Variants in AKR1C8 observed in about 807,000 individuals in gnomAD.
The protein encoded by AKR1C8 is aldo-keto reductase family 1 member C8, also known as aldo-keto reductase family 1 member C-like protein 1.
At chr10:5,176,885 C>T in the AKR1C8 span, among the ~76,000 whole-genome samples, 82,043 of 151,876 alleles carry the variant, frequency 0.54, 23,058 homozygotes, top group Non-Finnish European at 0.6. Flanking sequence ...TGGGCTGAGA[C>T]GATGGGGTTT....
At chr10:5,128,120 C>T in the AKR1C8 span, among the ~76,000 whole-genome samples, 3 of 152,134 alleles carry the variant, frequency 2.0e-5, no homozygotes, top group Non-Finnish European at 4.4e-5. Flanking sequence ...GATTGAGGTC[C>T]TATCTTTAGC....
At chr10:5,175,042 T>G in the AKR1C8 span, among the ~76,000 whole-genome samples, 1 of 152,084 alleles carries the variant, frequency 6.6e-6, no homozygotes, top group African/African-American at 2.4e-5. Flanking sequence ...TATGTATACA[T>G]GTGCCATGCT....
chr10:5,134,843 C>T, the AKR1C8 span, among the ~76,000 whole-genome samples: 3 of 152,118 alleles, frequency 2.0e-5, no homozygotes, highest in Non-Finnish European at 2.9e-5. Context: ...AAGGAAATGC[C>T]AGGCAGCGTT....
the AKR1C8 span, among the ~76,000 whole-genome samples, chr10:5,155,908 G>A: frequency 5.1e-4 from 77 of 152,110 alleles, 1 homozygote; most frequent in East Asian, 0.013. Flanking sequence ...GGCTTGAGAC[G>A]TCTTCCACCT....
At chr10:5,124,662 ATCATTGCTATATACTC>A in the AKR1C8 span, among the ~76,000 whole-genome samples, 1 of 152,296 alleles carries the variant, frequency 6.6e-6, no homozygotes, top group Middle Eastern at 3.4e-3. Flanking sequence ...AAATTAAAAC[ATCATTGCTATATACTC>A]AATCATTATG....
the AKR1C8 span, chr10:5,159,883 C>T: frequency 1.9e-6 from 1 of 516,746 alleles, no homozygotes; most frequent in African/African-American, 1.9e-5. Flanking sequence ...AAGGGCTCAC[C>T]TGGTTGCAGG....
At chr10:5,140,475 G>A in the AKR1C8 span, among the ~76,000 whole-genome samples, 5 of 152,052 alleles carry the variant, frequency 3.3e-5, no homozygotes, top group South Asian at 1.0e-3. Flanking sequence ...CCATAAAAAA[G>A]GATGAGTTCA....
chr10:5,147,945 CCA>C, the AKR1C8 span, among the ~76,000 whole-genome samples: 1 of 152,178 alleles, frequency 6.6e-6, no homozygotes, highest in Admixed American at 6.6e-5. Context: ...GGGCCTCCAC[CCA>C]TGCATTAGGC....
At chr10:5,159,564 G>C in the AKR1C8 span, among the ~76,000 whole-genome samples, 2 of 152,002 alleles carry the variant, frequency 1.3e-5, no homozygotes, top group African/African-American at 2.4e-5. Flanking sequence ...ATCCATGTCT[G>C]TGAGTTTAGT....
the AKR1C8 span, among the ~76,000 whole-genome samples, chr10:5,131,464 G>A: frequency 2.6e-5 from 4 of 151,902 alleles, no homozygotes; most frequent in Non-Finnish European, 4.4e-5. Context: ...AATCTCCAAG[G>A]AACTCAAACA....
chr10:5,155,662 A>C, the AKR1C8 span: 2 of 466,032 alleles, frequency 4.3e-6, no homozygotes, highest in Non-Finnish European at 8.9e-6. Context: ...GAGAATCTAC[A>C]AGCATCACTT....
chr10:5,127,212 A>AATT, the AKR1C8 span, among the ~76,000 whole-genome samples: 3 of 152,080 alleles, frequency 2.0e-5, no homozygotes, highest in African/African-American at 7.2e-5. Flanking sequence ...ACAACCTAAA[A>AATT]TTTTTTTTTA....
At chr10:5,153,108 T>C in the AKR1C8 span, among the ~76,000 whole-genome samples, 2 of 152,206 alleles carry the variant, frequency 1.3e-5, no homozygotes, top group Non-Finnish European at 2.9e-5. Flanking sequence ...CTTGCATTCA[T>C]AGTTGACATT....
the AKR1C8 span, among the ~76,000 whole-genome samples, chr10:5,137,294 C>CA: frequency 8.6e-5 from 13 of 151,860 alleles, no homozygotes; most frequent in African/African-American, 2.7e-4. Flanking sequence ...AGAGACACAA[C>CA]AAAAAAGAGA....
chr10:5,178,918 T>G, the AKR1C8 span, among the ~76,000 whole-genome samples: 1 of 152,226 alleles, frequency 6.6e-6, no homozygotes, highest in East Asian at 1.9e-4. Flanking sequence ...CTGATGGGTC[T>G]TGACTCTTTA....
chr10:5,124,764 A>G, the AKR1C8 span, among the ~76,000 whole-genome samples: 2 of 152,152 alleles, frequency 1.3e-5, no homozygotes. Flanking sequence ...TGCAAAGGGG[A>G]AAACACATCT....
At chr10:5,179,180 A>T in the AKR1C8 span, among the ~76,000 whole-genome samples, 3 of 152,250 alleles carry the variant, frequency 2.0e-5, no homozygotes, top group African/African-American at 7.2e-5. Context: ...CCTGGTGGTG[A>T]CAAAAATCTC....
At chr10:5,137,360 G>A in the AKR1C8 span, among the ~76,000 whole-genome samples, 2 of 151,994 alleles carry the variant, frequency 1.3e-5, no homozygotes, top group Admixed American at 1.3e-4. Context: ...ATAAAATACT[G>A]GCAAACCGAA....
chr10:5,151,557 G>T, the AKR1C8 span, among the ~76,000 whole-genome samples: 3 of 132,650 alleles, frequency 2.3e-5, no homozygotes, highest in East Asian at 2.2e-4. Context: ...TTCCCTTTGG[G>T]TTTTTTTTTT....
Sources: allele counts gnomAD v4.1 joint callset (sites outside exome capture counted in the v4.1 genomes callset), GRCh38; gene constraint gnomAD v4.1.1; transcripts MANE v1.5; gene names NCBI Gene and HGNC (gene_info 2026-07-23, HGNC 2026-07-21).